Variants in WDR20 observed in about 807,000 individuals in gnomAD.
WDR20 encodes the protein WD repeat domain 20.
Under a neutral mutation model 38.7 loss-of-function variants are expected in WDR20, and 3 were observed. That is an observed-to-expected ratio of 0.08 (90% CI 0.04 to 0.20). WDR20 has a LOEUF of 0.20. Among genes scored for constraint, WDR20 ranks in the 10% least tolerant of loss-of-function variants. The pLI is 1.00. For synonymous variants in WDR20, 298 were observed against 285.6 expected (o/e 1.04, Z -0.44); for missense variants, 559 against 727.7 (o/e 0.77, Z 2.67).
chr14:102,147,725 A>ATTTTAG (rs1234897310), intron 1 of WDR20, among the ~76,000 whole-genome samples: 1 of 151,970 alleles, frequency 6.6e-6, no homozygotes, highest in Non-Finnish European at 1.5e-5. Flanking sequence ...GTTTTATTTT[A>ATTTTAG]TTTTAGTTTT....
At chr14:102,146,872 A>G (rs2053840895) in intron 1 of WDR20, among the ~76,000 whole-genome samples, 1 of 152,110 alleles carries the variant, frequency 6.6e-6, no homozygotes, top group African/African-American at 2.4e-5. Flanking sequence ...TTTGTATTAG[A>G]TTTACTTTGA....
At chr14:102,192,468 C>T (rs116371285) in intron 1 of WDR20, among the ~76,000 whole-genome samples, 2,751 of 152,258 alleles carry the variant, frequency 0.018, 82 homozygotes, top group African/African-American at 0.062. Flanking sequence ...CGTGAGCCAC[C>T]GTGCCTTCTG....
intron 1 of WDR20, among the ~76,000 whole-genome samples, chr14:102,188,655 C>T (rs12893792): frequency 6.6e-6 from 1 of 151,330 alleles, no homozygotes; most frequent in Admixed American, 6.6e-5. Flanking sequence ...GTTCTTGGAG[C>T]CTAGGAGTTT....
At chr14:102,140,304 C>T (rs2050420670) in intron 1 of WDR20, 132 bp downstream of exon 1, 1 of 1,396,418 alleles carries the variant, frequency 7.2e-7, no homozygotes, top group African/African-American at 1.4e-5. Context: ...GGTAACTCCA[C>T]TGGGGTACTC....
chr14:102,174,532 G>C (rs2152842653), intron 1 of WDR20, among the ~76,000 whole-genome samples: 1 of 152,266 alleles, frequency 6.6e-6, no homozygotes, highest in South Asian at 2.1e-4. Context: ...CGATTCTCCT[G>C]TCTCAGCCTC....
chr14:102,215,364 C>G (rs145249371), downstream of WDR20, among the ~76,000 whole-genome samples: 71 of 152,304 alleles, frequency 4.7e-4, no homozygotes, highest in African/African-American at 1.7e-3. Context: ...GTTACATGGA[C>G]TCACTATCCC....
At chr14:102,183,168 TA>T (rs1379489817) in intron 1 of WDR20, among the ~76,000 whole-genome samples, 1 of 152,148 alleles carries the variant, frequency 6.6e-6, no homozygotes, top group Non-Finnish European at 1.5e-5. Flanking sequence ...GCCAAGTGAG[TA>T]GTTGCAGTGA....
intron 1 of WDR20, among the ~76,000 whole-genome samples, chr14:102,160,669 G>A (rs527555409): frequency 2.0e-4 from 30 of 152,028 alleles, no homozygotes; most frequent in Admixed American, 1.4e-3. Context: ...ATGGCCGGGC[G>A]CGGTGGCTCA....
At chr14:102,176,583 G>T (rs545470602) in intron 1 of WDR20, among the ~76,000 whole-genome samples, 1 of 151,990 alleles carries the variant, frequency 6.6e-6, no homozygotes, top group Non-Finnish European at 1.5e-5. Context: ...ATCTCCGTTC[G>T]TCAGGGATAT....
At chr14:102,203,601 T>C (rs1247196625) in intron 2 of WDR20, among the ~76,000 whole-genome samples, 2 of 152,104 alleles carry the variant, frequency 1.3e-5, no homozygotes, top group Non-Finnish European at 2.9e-5. Flanking sequence ...ATGGCCTGGA[T>C]CCCCACCCCC....
chr14:102,170,735 C>T (rs908048146), intron 1 of WDR20, among the ~76,000 whole-genome samples: 9 of 151,730 alleles, frequency 5.9e-5, no homozygotes, highest in Admixed American at 2.0e-4. Flanking sequence ...GGTCTGCGAT[C>T]GTTCCACCTC....
Position 102,210,318 on chromosome 14 carries a change from C to T in WDR20, c.*438C>T. The T allele has an allele frequency of 1.0e-6, 1 of 987,108 alleles. No homozygotes were observed. The highest frequency in any genetic ancestry group is 1.2e-6 in the Non-Finnish European group (1 of 830,878). 61.1% of individuals were successfully genotyped at this position (987,108 alleles called of 1,614,324 possible). Reference sequence around the variant, plus strand: ...TTCAGCACAGATGGCCATGAATTGTCATTTATAGTCCAATTTTTTATCTTA... The same window carrying T: ...TTCAGCACAGATGGCCATGAATTGTTATTTATAGTCCAATTTTTTATCTTA... On this transcript the variant is annotated 3_prime_UTR_variant, in exon 3 of 3. Coordinates refer to ENST00000342702, the MANE Select transcript of WDR20 (RefSeq NM_144574.4).
In WDR20 at chr14:102,161,121, CATATATAT is replaced by C. The variant is rs1180738049; in HGVS notation, c.249+20964_249+20971del. On this transcript the variant is annotated intron_variant, in intron 1 of 2. Transcript: ENST00000342702. ...GATACACTGGGTCAAAGCATAACTG[CATATATAT>C]ATATATATATATATTTTTTTTTTTT... Among the ~76,000 whole-genome samples the C allele has an allele frequency of 3.9e-3, 43 of 11,134 alleles. 2 individuals carry two copies. Among genetic ancestry groups the C allele is most frequent in the Admixed American group, 9.7e-3 (4 of 414 alleles). 7.3% of individuals were successfully genotyped at this position (11,134 alleles called of 152,430 possible).
intron 2 of WDR20, among the ~76,000 whole-genome samples, chr14:102,202,556 A>G (rs1168823003): frequency 6.6e-6 from 1 of 150,782 alleles, no homozygotes; most frequent in Non-Finnish European, 1.5e-5. Context: ...ATTTTTTTGT[A>G]TTTTTAGTAG....
upstream of WDR20, chr14:102,139,876 G>A: frequency 2.5e-6 from 4 of 1,595,316 alleles, no homozygotes; most frequent in Non-Finnish European, 3.4e-6. Flanking sequence ...CGCCTGCGCG[G>A]TGGGCGTGAT....
At chr14:102,145,184 T>C (rs1427668983) in intron 1 of WDR20, among the ~76,000 whole-genome samples, 1 of 152,232 alleles carries the variant, frequency 6.6e-6, no homozygotes, top group Non-Finnish European at 1.5e-5. Flanking sequence ...AGTGAATGAC[T>C]GAGTAAAGCC....
chr14:102,212,063 G>A (rs2062610176), downstream of WDR20, among the ~76,000 whole-genome samples: 1 of 152,132 alleles, frequency 6.6e-6, no homozygotes, highest in Non-Finnish European at 1.5e-5. Flanking sequence ...ACTGACAGGT[G>A]ACTTAGGAGT....
intron 1 of WDR20, among the ~76,000 whole-genome samples, chr14:102,144,273 A>C (rs568716059): frequency 2.0e-5 from 3 of 152,012 alleles, no homozygotes; most frequent in African/African-American, 7.2e-5. Context: ...ACCTGAGGTC[A>C]GGAGTTTGAG....
chr14:102,206,979 C>T (rs1184340051), intron 2 of WDR20, among the ~76,000 whole-genome samples: 5 of 152,302 alleles, frequency 3.3e-5, no homozygotes, highest in Non-Finnish European at 5.9e-5. Flanking sequence ...GCCAGAGCAG[C>T]GCTGGGTTTT....
Sources: allele counts gnomAD v4.1 joint callset (sites outside exome capture counted in the v4.1 genomes callset), GRCh38; gene constraint gnomAD v4.1.1; transcripts MANE v1.5; gene names NCBI Gene and HGNC (gene_info 2026-07-23, HGNC 2026-07-21).